Variants in PXDNL observed in about 807,000 individuals in gnomAD.
PXDNL encodes the protein probable oxidoreductase PXDNL.
In PXDNL, 145 loss-of-function variants were observed where a neutral mutation model predicts 150.8. The ratio of observed to expected loss-of-function variants is 0.96; its 90% CI spans 0.84 to 1.10. The LOEUF is 1.10. Among genes scored for constraint, PXDNL ranks in the 50% least tolerant of loss-of-function variants. PXDNL has a pLI of 0.00. For synonymous variants in PXDNL, 757 were observed against 725.7 expected, an observed-to-expected ratio of 1.04 and a Z score of -0.69; for missense variants, 2,087 against 1,873.9, an observed-to-expected ratio of 1.11 and a Z score of -2.10.
chr8:51,744,371 G>A (rs552332451), intron 1 of PXDNL, among the ~76,000 whole-genome samples: 1 of 150,708 alleles, frequency 6.6e-6, no homozygotes, highest in East Asian at 2.0e-4. Flanking sequence ...GAGAGAAAGA[G>A]AAAAAAGAAA....
At chr8:51,533,896 C>T (rs1279730115) in intron 4 of PXDNL, among the ~76,000 whole-genome samples, 3 of 151,004 alleles carry the variant, frequency 2.0e-5, no homozygotes, top group African/African-American at 7.4e-5. Context: ...CAGCCTCTGC[C>T]CAGCCGCCAC....
intron 1 of PXDNL, among the ~76,000 whole-genome samples, chr8:51,735,535 T>TG (rs374582450): frequency 0.6 from 72,046 of 119,972 alleles, 24,924 homozygotes; most frequent in Non-Finnish European, 0.74. Context: ...TGTTTTTTTT[T>TG]TTTTTTTTTT....
At chr8:51,353,686 TA>T (rs1806419875) in intron 19 of PXDNL, among the ~76,000 whole-genome samples, 1 of 152,150 alleles carries the variant, frequency 6.6e-6, no homozygotes, top group Admixed American at 6.6e-5. Context: ...AATTTTAGCT[TA>T]TAGGGACAAA....
chr8:51,734,347 C>A (rs1816991542), intron 1 of PXDNL, among the ~76,000 whole-genome samples: 1 of 152,154 alleles, frequency 6.6e-6, no homozygotes, highest in Non-Finnish European at 1.5e-5. Context: ...ACTCTTTCAA[C>A]ACCCTAAATT....
intron 1 of PXDNL, among the ~76,000 whole-genome samples, chr8:51,789,858 T>C (rs2037494504): frequency 6.6e-6 from 1 of 152,202 alleles, no homozygotes; most frequent in African/African-American, 2.4e-5. Context: ...GTGTTACTTA[T>C]CTTTAGACTC....
At chr8:51,440,104 G>A (rs377209723) in intron 12 of PXDNL, among the ~76,000 whole-genome samples, 1 of 151,812 alleles carries the variant, frequency 6.6e-6, no homozygotes, top group Non-Finnish European at 1.5e-5. Context: ...AGCCATAAAA[G>A]GGAATGAAAT....
intron 4 of PXDNL, among the ~76,000 whole-genome samples, chr8:51,531,612 T>C (rs928428465): frequency 1.3e-5 from 2 of 152,174 alleles, no homozygotes; most frequent in Non-Finnish European, 1.5e-5. Flanking sequence ...AGCAGAGAGA[T>C]GGAGCATGAG....
intron 3 of PXDNL, among the ~76,000 whole-genome samples, chr8:51,578,005 GGAAGGA>G (rs1563471239): frequency 1.3e-3 from 96 of 74,808 alleles, no homozygotes; most frequent in Admixed American, 2.6e-3. Context: ...GAAAGAGGAA[GGAAGGA>G]AGGAAGGAAG....
chr8:51,334,225 G>A (rs1805774989), intron 21 of PXDNL, among the ~76,000 whole-genome samples: 1 of 152,036 alleles, frequency 6.6e-6, no homozygotes, highest in East Asian at 1.9e-4. Context: ...TGAGCATTGA[G>A]TCAAAAACAA....
Position 51,447,052 on chromosome 8 carries a change from A to C in PXDNL, c.1477T>G (p.Ser493Ala). Residue 493 changes from serine to alanine, a missense_variant, in exon 12 of 23, where the codon TCG (serine) becomes GCG (alanine). By Grantham distance (99) the Ser-to-Ala change is moderately conservative (BLOSUM62 1). Transcript: ENST00000356297. ...QGQYECQAVS[S>A]LGVKKVSVQL... is the part of the protein sequence containing the mutation. ...ACAGACACCTTTTTCACCCCCAACG[A>C]ACTGACTGCTTGACATTCATATTGG... 1 of 1,613,952 alleles carries C rather than the reference A, an allele frequency of 6.2e-7. No individual in the cohort carries two copies. Among genetic ancestry groups the C allele is most frequent in the Non-Finnish European group, 8.5e-7 (1 of 1,179,892 alleles).
At chr8:51,426,236 T>A (rs977500317) in intron 13 of PXDNL, among the ~76,000 whole-genome samples, 2 of 152,244 alleles carry the variant, frequency 1.3e-5, no homozygotes, top group African/African-American at 4.8e-5. Flanking sequence ...CTACTTTTTC[T>A]TGTTTAACAC....
At chr8:51,709,493 A>T (rs1432032301) in intron 1 of PXDNL, among the ~76,000 whole-genome samples, 1 of 151,998 alleles carries the variant, frequency 6.6e-6, no homozygotes, top group Admixed American at 6.6e-5. Context: ...TGACCTCGTG[A>T]TCCACCCACC....
At chr8:51,341,198 A>T (rs934814406) in intron 20 of PXDNL, among the ~76,000 whole-genome samples, 2 of 152,264 alleles carry the variant, frequency 1.3e-5, no homozygotes, top group Non-Finnish European at 2.9e-5. Flanking sequence ...CAAGACACAT[A>T]GCATCTGCAT....
At chr8:51,532,787 G>A (rs1811934006) in intron 4 of PXDNL, among the ~76,000 whole-genome samples, 1 of 152,088 alleles carries the variant, frequency 6.6e-6, no homozygotes, top group South Asian at 2.1e-4. Flanking sequence ...TGGATGCAGA[G>A]CAGCCTTCAC....
At chr8:51,711,262 C>G (rs1816491331) in intron 1 of PXDNL, among the ~76,000 whole-genome samples, 1 of 152,156 alleles carries the variant, frequency 6.6e-6, no homozygotes, top group African/African-American at 2.4e-5. Flanking sequence ...CTCAACCTCT[C>G]AAGTAGCTGG....
intron 19 of PXDNL, among the ~76,000 whole-genome samples, chr8:51,348,639 T>A (rs1479331560): frequency 6.6e-6 from 1 of 152,194 alleles, no homozygotes; most frequent in East Asian, 1.9e-4. Flanking sequence ...TATAAATATA[T>A]ACATATGCAT....
Position 51,408,279 on chromosome 8 carries a change from G to C in PXDNL, c.3345C>G (p.Ser1115=), listed in dbSNP as rs1385378484. Reference sequence around the variant, plus strand: ...GGGTCAGCTCAGGACTGAGAAGGTAGGAGGGTGCCCGCCATTTAGCAGCCA... The same window carrying C: ...GGGTCAGCTCAGGACTGAGAAGGTACGAGGGTGCCCGCCATTTAGCAGCCA... ...FGVAAKWRAP[S]YLLSPELTQR... is the part of the protein sequence containing the mutation. The change falls in exon 17 of 23, where the codon TCC becomes TCG. Residue 1115 remains serine, a synonymous_variant. Coordinates refer to ENST00000356297, the MANE Select transcript of PXDNL (RefSeq NM_144651.5). The C allele has an allele frequency of 1.2e-6, 2 of 1,613,956 alleles. No homozygotes were observed. The highest frequency in any genetic ancestry group is 1.7e-6 in the Non-Finnish European group (2 of 1,179,864).
intron 1 of PXDNL, among the ~76,000 whole-genome samples, chr8:51,806,174 TAC>T (rs928052804): frequency 1.3e-5 from 2 of 152,194 alleles, no homozygotes; most frequent in Non-Finnish European, 2.9e-5. Context: ...TTAAAAATAA[TAC>T]AGTTTTCTTA....
At chr8:51,733,546 G>A (rs1320832510) in intron 1 of PXDNL, among the ~76,000 whole-genome samples, 5 of 152,098 alleles carry the variant, frequency 3.3e-5, no homozygotes, top group African/African-American at 7.2e-5. Context: ...GGTAGCTGAC[G>A]CCTGTAATCC....
Sources: gnomAD v4.1 joint callset for allele counts (sites outside exome capture counted in the v4.1 genomes callset) on GRCh38, gnomAD v4.1.1 for gene constraint, MANE v1.5 for transcripts, NCBI Gene and HGNC (gene_info 2026-07-23, HGNC 2026-07-21) for gene names.